ATOSA: variants seen among roughly 807,000 people sequenced by gnomAD.
ATOSA encodes atos homolog A.
the ATOSA span, among the ~76,000 whole-genome samples, chr15:52,638,749 G>C: frequency 1.5e-4 from 22 of 149,848 alleles, no homozygotes; most frequent in African/African-American, 5.4e-4. Context: ...ATCACTAACA[G>C]GAAGGTTGTA....
chr15:52,692,226 A>G, the ATOSA span, among the ~76,000 whole-genome samples: 1 of 152,264 alleles, frequency 6.6e-6, no homozygotes, highest in South Asian at 2.1e-4. Flanking sequence ...CTTCAACATT[A>G]TAAAATGTAT....
At chr15:52,674,908 A>G in the ATOSA span, among the ~76,000 whole-genome samples, 4 of 151,226 alleles carry the variant, frequency 2.6e-5, no homozygotes, top group Non-Finnish European at 4.4e-5. Flanking sequence ...ATTTAACATA[A>G]TAAACGATAT....
At chr15:52,582,810 TC>T in the ATOSA span, among the ~76,000 whole-genome samples, 1 of 152,202 alleles carries the variant, frequency 6.6e-6, no homozygotes, top group Non-Finnish European at 1.5e-5. Flanking sequence ...CCAGCCACCA[TC>T]AAAAGTCAAG....
At chr15:52,600,828 A>G in the ATOSA span, among the ~76,000 whole-genome samples, 1 of 148,200 alleles carries the variant, frequency 6.7e-6, no homozygotes, top group Admixed American at 6.7e-5. Context: ...AAAAGGTAGT[A>G]GAGGTTAATA....
At chr15:52,696,364 C>A in the ATOSA span, among the ~76,000 whole-genome samples, 1 of 152,148 alleles carries the variant, frequency 6.6e-6, no homozygotes, top group Admixed American at 6.5e-5. Flanking sequence ...CCACAACAGC[C>A]TCCATTCAGG....
the ATOSA span, among the ~76,000 whole-genome samples, chr15:52,685,745 G>A: frequency 1.3e-5 from 2 of 152,120 alleles, no homozygotes; most frequent in Non-Finnish European, 2.9e-5. Flanking sequence ...GTCTCACTCT[G>A]TCACCCAGGC....
the ATOSA span, among the ~76,000 whole-genome samples, chr15:52,704,333 T>C: frequency 9.2e-4 from 140 of 152,274 alleles, no homozygotes; most frequent in African/African-American, 3.3e-3. Context: ...ATCACTTCCT[T>C]ACACCTTATA....
the ATOSA span, among the ~76,000 whole-genome samples, chr15:52,661,728 A>G: frequency 2.6e-5 from 4 of 152,172 alleles, no homozygotes; most frequent in African/African-American, 4.8e-5. Flanking sequence ...GGTACAGGCC[A>G]TGGTTAGGCT....
At chr15:52,608,920 T>G in the ATOSA span, 1 of 1,606,770 alleles carries the variant, frequency 6.2e-7, no homozygotes, top group South Asian at 1.1e-5. Context: ...TTTTGGATTA[T>G]AGTTCTCATT....
At chr15:52,620,492 G>T in the ATOSA span, among the ~76,000 whole-genome samples, 33 of 152,194 alleles carry the variant, frequency 2.2e-4, no homozygotes, top group Non-Finnish European at 4.1e-4. Context: ...ACTTCAATGG[G>T]AGTGGAAGAA....
the ATOSA span, among the ~76,000 whole-genome samples, chr15:52,676,758 C>T: frequency 0.049 from 7,426 of 152,260 alleles, 323 homozygotes; most frequent in East Asian, 0.23. Flanking sequence ...ATTTTTAAAA[C>T]TGCTTATGAC....
chr15:52,605,278 A>ATATTTAAATGG, the ATOSA span: 2 of 1,459,378 alleles, frequency 1.4e-6, no homozygotes, highest in African/African-American at 1.4e-5. Flanking sequence ...GTTAATTGTA[A>ATATTTAAATGG]TATTTAAATA....
the ATOSA span, among the ~76,000 whole-genome samples, chr15:52,631,216 G>T: frequency 1.4e-4 from 22 of 152,072 alleles, no homozygotes; most frequent in Non-Finnish European, 2.6e-4. Flanking sequence ...TAAAATTTCA[G>T]CATGTATGTG....
the ATOSA span, among the ~76,000 whole-genome samples, chr15:52,583,727 A>G: frequency 2.6e-5 from 4 of 152,192 alleles, no homozygotes; most frequent in Non-Finnish European, 5.9e-5. Context: ...TCTGTTTTTC[A>G]TAGATTTTTC....
chr15:52,679,924 G>C, the ATOSA span, among the ~76,000 whole-genome samples: 30 of 150,988 alleles, frequency 2.0e-4, 1 homozygote, highest in South Asian at 5.9e-3. Context: ...GACCGGGACG[G>C]GGGGTGGGCA....
At chr15:52,697,956 A>AAT in the ATOSA span, among the ~76,000 whole-genome samples, 2 of 105,198 alleles carry the variant, frequency 1.9e-5, no homozygotes, top group Non-Finnish European at 4.0e-5. Flanking sequence ...AGGGATGTAG[A>AAT]ATTTTTTTTT....
At chr15:52,640,557 C>T in the ATOSA span, among the ~76,000 whole-genome samples, 1 of 73,254 alleles carries the variant, frequency 1.4e-5, no homozygotes, top group Non-Finnish European at 2.2e-5. Flanking sequence ...AGCAACAGAG[C>T]AAGACTCAAG....
chr15:52,622,270 C>T, the ATOSA span, among the ~76,000 whole-genome samples: 1 of 152,046 alleles, frequency 6.6e-6, no homozygotes, highest in Non-Finnish European at 1.5e-5. Flanking sequence ...AACACTTTTT[C>T]TTTTTAAAAA....
At chr15:52,625,019 T>C in the ATOSA span, among the ~76,000 whole-genome samples, 3 of 152,118 alleles carry the variant, frequency 2.0e-5, no homozygotes, top group Admixed American at 6.5e-5. Context: ...CTTCAAGTGA[T>C]CCACCCGTCT....
Sources: gnomAD v4.1 joint callset for allele counts (sites outside exome capture counted in the v4.1 genomes callset) on GRCh38, gnomAD v4.1.1 for gene constraint, MANE v1.5 for transcripts, NCBI Gene and HGNC (gene_info 2026-07-23, HGNC 2026-07-21) for gene names.